CEACAM3: variants seen among roughly 807,000 people sequenced by gnomAD.
The protein encoded by CEACAM3 is cell adhesion molecule CEACAM3.
In CEACAM3, 32 loss-of-function variants were observed where a neutral mutation model predicts 30.1. That is an observed-to-expected ratio of 1.06 (90% CI 0.80 to 1.43). The LOEUF (loss-of-function observed/expected upper bound fraction) is 1.43, where lower values mean the gene tolerates loss of function less well. CEACAM3 is among the 40% of genes most tolerant of loss of function. CEACAM3 has a pLI of 0.00. For missense variants in CEACAM3, 290 were observed against 316.3 expected (o/e 0.92, Z 0.63); for synonymous variants, 134 against 127.2 (o/e 1.05, Z -0.36).
intron 2 of CEACAM3, among the ~76,000 whole-genome samples, chr19:41,801,339 G>A (rs1164646307): frequency 6.6e-5 from 10 of 152,084 alleles, no homozygotes; most frequent in East Asian, 1.9e-4. Flanking sequence ...CCAGGAGAAC[G>A]AGCTTCCACT....
intron 2 of CEACAM3, among the ~76,000 whole-genome samples, chr19:41,798,628 A>T (rs2073122908): frequency 6.6e-6 from 1 of 152,198 alleles, no homozygotes; most frequent in Non-Finnish European, 1.5e-5. Context: ...AGATGACTCC[A>T]TGGGAAGTTC....
chr19:41,808,776 T>C (rs200707502), intron 2 of CEACAM3, 37 bp from the exon 3 acceptor site: 91 of 1,543,834 alleles, frequency 5.9e-5, no homozygotes, highest in Admixed American at 1.7e-4. Context: ...TGGGATAGAC[T>C]TGGGCCTCTA....
At position 41,810,906 on chromosome 19, in the gene CEACAM3, G is replaced by A; in HGVS notation, c.693+9G>A. On this transcript the variant is annotated intron_variant, in intron 6 of 6. Transcript: ENST00000357396. ...CAGCTTCCATCTATGAGGTGAGTGTGGGCCACGGATGTTCTGGTCCCACAG... is the reference window on the plus strand; with the variant it reads ...CAGCTTCCATCTATGAGGTGAGTGTAGGCCACGGATGTTCTGGTCCCACAG... The A allele has an allele frequency of 6.2e-7, 1 of 1,612,570 alleles. No homozygotes were observed. Among genetic ancestry groups the A allele is most frequent in the Non-Finnish European group, 8.5e-7 (1 of 1,179,156 alleles).
At chr19:41,798,643 T>G (rs2073123027) in intron 2 of CEACAM3, among the ~76,000 whole-genome samples, 1 of 152,114 alleles carries the variant, frequency 6.6e-6, no homozygotes, top group African/African-American at 2.4e-5. Context: ...AAGTTCAGTA[T>G]CCCCAGGGGG....
chr19:41,806,219 G>A (rs1356074989), intron 2 of CEACAM3, among the ~76,000 whole-genome samples: 4 of 152,032 alleles, frequency 2.6e-5, no homozygotes, highest in African/African-American at 9.7e-5. Context: ...GTAGAGACTG[G>A]GTTTTTCGCC....
chr19:41,807,793 C>T lies in CEACAM3; in HGVS notation c.425-1020C>T, dbSNP rs377437966. ...ACTCCAGATGGACCGGGCATTCCCA[C>T]CATTTCCCCCCCAGACTCCTATTAC... On this transcript the variant is annotated intron_variant, in intron 2 of 6. Coordinates refer to ENST00000357396, the MANE Select transcript of CEACAM3 (RefSeq NM_001815.5). 1.4e-3 allele frequency among the ~76,000 whole-genome samples: 215 copies of T among 152,300 alleles called. 2 individuals carry two copies. Among genetic ancestry groups the T allele is most frequent in the African/African-American group, 4.9e-3 (204 of 41,554 alleles).
At chr19:41,807,428 A>C (rs2073212443) in intron 2 of CEACAM3, 1 of 1,181,538 alleles carries the variant, frequency 8.5e-7, no homozygotes, top group African/African-American at 1.6e-5. Context: ...TTCCAGCCCA[A>C]ATCCACACAG....
intron 3 of CEACAM3, 124 bp from the exon 4 acceptor site, chr19:41,809,841 T>C: frequency 1.1e-6 from 1 of 915,358 alleles, no homozygotes; most frequent in South Asian, 1.5e-5. Flanking sequence ...AACACAAACC[T>C]GAGGGAGACA....
chr19:41,803,227 A>C (rs1470385211), intron 2 of CEACAM3, among the ~76,000 whole-genome samples: 1 of 152,204 alleles, frequency 6.6e-6, no homozygotes, highest in Non-Finnish European at 1.5e-5. Context: ...CAGATGGGTG[A>C]TGTAAGCAGA....
In CEACAM3 at chr19:41,797,838, C is replaced by A. The variant is rs2073115536; in HGVS notation, c.314C>A (p.Ala105Glu). 1.2e-6 allele frequency: 2 copies of A among 1,613,364 alleles called. No homozygotes were observed. Among genetic ancestry groups the A allele is most frequent in the African/African-American group, 1.3e-5 (1 of 74,268 alleles). The change falls in exon 2 of 7, where the codon GCA (alanine) becomes GAA (glutamate). Residue 105 changes from alanine (A) to glutamate (E), a missense_variant. Physicochemically the swap from Ala to Glu is moderately radical, Grantham distance 107. Transcript: ENST00000357396. ...YSGRETIYTNASLLIQNVTQN... is the reference protein window; with the variant it reads ...YSGRETIYTNESLLIQNVTQN... The stretch of plus-strand genomic sequence containing the variant: ...GGTCGAGAGACAATATACACCAATG[C>A]ATCCCTGCTGATCCAGAATGTCACC...
At chr19:41,808,612 G>A (rs1469248517) in intron 2 of CEACAM3, among the ~76,000 whole-genome samples, 2 of 152,218 alleles carry the variant, frequency 1.3e-5, no homozygotes, top group Admixed American at 1.3e-4. Flanking sequence ...ATGAGTTGGT[G>A]CCGCCCAGTG....
chr19:41,806,935 C>A (rs1555826831), intron 2 of CEACAM3, among the ~76,000 whole-genome samples: 1 of 152,188 alleles, frequency 6.6e-6, no homozygotes, highest in East Asian at 1.9e-4. Flanking sequence ...GATACGCCCG[C>A]CTCGGCCTCC....
chr19:41,807,733 C>A, intron 2 of CEACAM3: 1 of 645,442 alleles, frequency 1.5e-6, no homozygotes, highest in Non-Finnish European at 2.2e-6. Flanking sequence ...CTTCCCCTTC[C>A]CTTTGATGAT....
At chr19:41,806,282 G>A (rs1291955098) in intron 2 of CEACAM3, among the ~76,000 whole-genome samples, 3 of 151,986 alleles carry the variant, frequency 2.0e-5, no homozygotes, top group East Asian at 1.9e-4. Flanking sequence ...TGCCCACCTC[G>A]GCCTCCCCAA....
Position 41,803,009 on chromosome 19 carries a change from T to G in CEACAM3, c.424+5061T>G, listed in dbSNP as rs556957863. On this transcript the variant is annotated intron_variant, in intron 2 of 6. Coordinates refer to ENST00000357396, the MANE Select transcript of CEACAM3 (RefSeq NM_001815.5). ...AACACCTGCTCACCCAAGTTCCTTTTACCCAGAATATCATGTCTGGCTTTC... is the reference window on the plus strand; with the variant it reads ...AACACCTGCTCACCCAAGTTCCTTTGACCCAGAATATCATGTCTGGCTTTC... Among the ~76,000 whole-genome samples, 11 of 152,272 alleles carry G rather than the reference T, an allele frequency of 7.2e-5. No individual in the cohort carries two copies. In the South Asian group the frequency reaches 2.3e-3, roughly 32 times the overall value.
At chr19:41,796,818 C>T in intron 1 of CEACAM3, 77 bp downstream of exon 1, 2 of 1,479,920 alleles carry the variant, frequency 1.4e-6, no homozygotes, top group Non-Finnish European at 1.8e-6. Context: ...GAGGATGGGG[C>T]TCTGATAGGG....
intron 2 of CEACAM3, among the ~76,000 whole-genome samples, chr19:41,802,509 T>G (rs1196296978): frequency 6.6e-6 from 1 of 152,040 alleles, no homozygotes; most frequent in Non-Finnish European, 1.5e-5. Context: ...GGGTCAGAAA[T>G]CTGAACTGTA....
intron 2 of CEACAM3, chr19:41,807,611 G>T: frequency 8.2e-7 from 1 of 1,212,528 alleles, no homozygotes; most frequent in Non-Finnish European, 1.0e-6. Flanking sequence ...TGTGATGGGA[G>T]AAACAGGTGA....
intron 2 of CEACAM3, among the ~76,000 whole-genome samples, chr19:41,805,285 C>CTTTTTTTTT (rs782317671): frequency 3.8e-5 from 4 of 105,026 alleles, no homozygotes; most frequent in Non-Finnish European, 5.6e-5. Context: ...CTTTTTTCTT[C>CTTTTTTTTT]TTTTTTTTTT....
Sources: gnomAD v4.1 joint callset for allele counts (sites outside exome capture counted in the v4.1 genomes callset) on GRCh38, gnomAD v4.1.1 for gene constraint, MANE v1.5 for transcripts, NCBI Gene and HGNC (gene_info 2026-07-23, HGNC 2026-07-21) for gene names.